The following PTPRK variants were observed in gnomAD, a reference collection of about 807,000 sequenced individuals.
PTPRK encodes the protein protein tyrosine phosphatase receptor type K.
PTPRK carries 75 observed loss-of-function variants against 178.0 expected under a neutral mutation model. The ratio of observed to expected loss-of-function variants is 0.42; its 90% CI spans 0.35 to 0.51. The LOEUF (loss-of-function observed/expected upper bound fraction) is 0.51. Ranked by LOEUF, PTPRK falls within the 20% of genes least tolerant of loss-of-function variation. The pLI is 0.02. For synonymous variants in PTPRK, 637 were observed against 620.6 expected, an observed-to-expected ratio of 1.03 and a Z score of -0.39; for missense variants, 1,441 against 1,797.8, an observed-to-expected ratio of 0.80 and a Z score of 3.59.
intron 1 of PTPRK, among the ~76,000 whole-genome samples, chr6:128,432,773 C>CA (rs1845008575): frequency 6.7e-6 from 1 of 150,180 alleles, no homozygotes; most frequent in Admixed American, 6.6e-5. Context: ...CACACACACA[C>CA]CCTAACTCAA....
chr6:128,242,522 A>G lies in PTPRK; in HGVS notation c.576T>C (p.Cys192=), dbSNP rs1814653269. The G allele has an allele frequency of 6.2e-7, 1 of 1,611,566 alleles. No homozygotes were observed. The highest frequency in any genetic ancestry group is 1.1e-5 in the South Asian group (1 of 90,500). ...ATACAATTCTTAATCACAACCTACC[A>G]CAAGGATAACTCAGTACTTGGATGT... ...IDDIQVLSYP[C]DKSPHFLRLG... is the part of the protein sequence containing the mutation. The change falls in exon 4 of 30, where the codon TGT becomes TGC. Residue 192 remains cysteine (C), a splice_region_variant and synonymous_variant. Transcript: ENST00000368226.
Position 128,287,897 on chromosome 6 carries a change from T to C in PTPRK, c.495+34142A>G, listed in dbSNP as rs529609997. On this transcript the variant is annotated intron_variant, in intron 3 of 29. Coordinates refer to ENST00000368226, the MANE Select transcript of PTPRK (RefSeq NM_002844.4). ...TGCTCAAGTAGTTTCTTTCATTTTT[T>C]AAAAAGCCTTCTGATCATGATTATC... 1.5e-4 allele frequency among the ~76,000 whole-genome samples: 23 copies of C among 152,304 alleles called. No individual in the cohort carries two copies. The South Asian group carries it at 4.1e-3, about 27-fold the overall frequency.
chr6:128,288,891 C>G (rs1289167627), intron 3 of PTPRK, among the ~76,000 whole-genome samples: 1 of 152,044 alleles, frequency 6.6e-6, no homozygotes, highest in Non-Finnish European at 1.5e-5. Flanking sequence ...GAAATACCTT[C>G]TCTTGGTATA....
intron 1 of PTPRK, among the ~76,000 whole-genome samples, chr6:128,413,320 A>T (rs1842505804): frequency 6.6e-6 from 1 of 152,142 alleles, no homozygotes. Flanking sequence ...CCCTTTCATG[A>T]ATTCCATCCT....
chr6:128,373,004 A>AT (rs1356194792), intron 2 of PTPRK, among the ~76,000 whole-genome samples: 3 of 152,172 alleles, frequency 2.0e-5, no homozygotes, highest in African/African-American at 7.2e-5. Context: ...AAAAAAAAAA[A>AT]AAATGGTGAC....
At chr6:128,472,121 G>T (rs1850758448) in intron 1 of PTPRK, among the ~76,000 whole-genome samples, 1 of 152,124 alleles carries the variant, frequency 6.6e-6, no homozygotes, top group African/African-American at 2.4e-5. Flanking sequence ...CTCCAAGGCT[G>T]CTTCTTCCCT....
At chr6:128,053,050 A>G (rs559902878) in intron 13 of PTPRK, among the ~76,000 whole-genome samples, 1 of 151,888 alleles carries the variant, frequency 6.6e-6, no homozygotes, top group Admixed American at 6.6e-5. Flanking sequence ...AGGTACTTTT[A>G]TTGGATAATG....
In PTPRK at chr6:128,464,642, T is replaced by C. The variant is rs1176436436; in HGVS notation, c.100+55617A>G. Among the ~76,000 whole-genome samples, 46 of 74,910 alleles carry C rather than the reference T, an allele frequency of 6.1e-4. 1 individual carries two copies. The highest frequency in any genetic ancestry group is 8.3e-4 in the African/African-American group (13 of 15,648). The allele number at this position is 74,910 out of a possible 152,430, so 49.1% of individuals were successfully genotyped here. A position where few individuals can be genotyped will look rare whatever the true frequency, so the allele number is the denominator to read the frequency against. ...ATACATATATATATATATACACATA[T>C]ATATATATATATATATATATATATA... On this transcript the variant is annotated intron_variant, in intron 1 of 29. Coordinates refer to ENST00000368226, the MANE Select transcript of PTPRK (RefSeq NM_002844.4).
intron 2 of PTPRK, among the ~76,000 whole-genome samples, chr6:128,335,643 T>A (rs915121220): frequency 6.6e-6 from 1 of 151,954 alleles, no homozygotes; most frequent in African/African-American, 2.4e-5. Context: ...TCATAAACCA[T>A]ACAAATATAA....
rs140206215 is a variant in PTPRK at position 128,087,295 on chromosome 6, G to A, written c.1465+2395C>T. 1.6e-4 allele frequency among the ~76,000 whole-genome samples: 24 copies of A among 152,174 alleles called. No homozygotes were observed. In the East Asian group the frequency reaches 4.4e-3, roughly 28 times the overall value. Reference sequence around the variant, plus strand: ...TAAAGCAGCACAAAACTATGTAACTGAGTCTACCATTACCAATTAGGACAT... The same window carrying A: ...TAAAGCAGCACAAAACTATGTAACTAAGTCTACCATTACCAATTAGGACAT... On this transcript the variant is annotated intron_variant, in intron 8 of 29. Transcript: ENST00000368226.
rs568242872 is a variant in PTPRK, at chr6:128,409,470, T to A, written c.101-11782A>T. Reference sequence around the variant, plus strand: ...GATGTAAATATGTATATTTTCATTATGAAATGCTTGAACTATGACTGTGAC... The same window carrying A: ...GATGTAAATATGTATATTTTCATTAAGAAATGCTTGAACTATGACTGTGAC... On this transcript the variant is annotated intron_variant, in intron 1 of 29. Coordinates refer to ENST00000368226, the MANE Select transcript of PTPRK (RefSeq NM_002844.4). The A allele has an allele frequency of 3.1e-3, 879 of 282,490 alleles. 5 individuals are homozygous for A. Among genetic ancestry groups the A allele is most frequent in the Non-Finnish European group, 4.8e-3 (690 of 143,124 alleles). 17.5% of individuals were successfully genotyped at this position (282,490 alleles called of 1,614,324 possible).
intron 1 of PTPRK, among the ~76,000 whole-genome samples, chr6:128,404,218 A>G (rs1841381544): frequency 6.6e-6 from 1 of 152,252 alleles, no homozygotes. Context: ...GGAGAATGAT[A>G]GTGCTACATC....
chr6:128,436,985 T>G (rs2128398087), intron 1 of PTPRK, among the ~76,000 whole-genome samples: 1 of 152,298 alleles, frequency 6.6e-6, no homozygotes, highest in South Asian at 2.1e-4. Flanking sequence ...GAGGGAAATC[T>G]TGTGTTTTTA....
At chr6:128,149,019 C>T (rs990297533) in intron 7 of PTPRK, among the ~76,000 whole-genome samples, 1 of 151,966 alleles carries the variant, frequency 6.6e-6, no homozygotes, top group Non-Finnish European at 1.5e-5. Flanking sequence ...CGATATCTTA[C>T]ATAAATGACT....
intron 15 of PTPRK, among the ~76,000 whole-genome samples, chr6:127,999,742 A>G (rs767167639): frequency 5.3e-5 from 8 of 151,858 alleles, no homozygotes; most frequent in Non-Finnish European, 1.0e-4. Context: ...CTACTTGGCT[A>G]TTTTCCTCAC....
chr6:128,170,414 A>C (rs997797174), intron 7 of PTPRK, among the ~76,000 whole-genome samples: 1 of 152,086 alleles, frequency 6.6e-6, no homozygotes, highest in Non-Finnish European at 1.5e-5. Context: ...GAACAACAAA[A>C]AACTCATGAC....
At chr6:128,348,932 G>A (rs570028123) in intron 2 of PTPRK, among the ~76,000 whole-genome samples, 1 of 152,154 alleles carries the variant, frequency 6.6e-6, no homozygotes, top group East Asian at 1.9e-4. Context: ...AAATAAGAAA[G>A]CGAATAAAAA....
At chr6:128,469,242 T>G (rs544966132) in intron 1 of PTPRK, among the ~76,000 whole-genome samples, 1 of 152,298 alleles carries the variant, frequency 6.6e-6, no homozygotes, top group South Asian at 2.1e-4. Context: ...GGTTAGCTTG[T>G]GTACTTAGCT....
intron 2 of PTPRK, among the ~76,000 whole-genome samples, chr6:128,393,728 T>C (rs1229632700): frequency 6.6e-6 from 1 of 152,190 alleles, no homozygotes; most frequent in Non-Finnish European, 1.5e-5. Flanking sequence ...AACTAGAAGT[T>C]TGGACCCATT....
Sources: allele counts gnomAD v4.1 joint callset (sites outside exome capture counted in the v4.1 genomes callset), GRCh38; gene constraint gnomAD v4.1.1; transcripts MANE v1.5; gene names NCBI Gene and HGNC (gene_info 2026-07-23, HGNC 2026-07-21).